The following STRN variants were observed in gnomAD, a reference collection of about 807,000 sequenced individuals.
STRN encodes the protein protein phosphatase 2 regulatory subunit B'''alpha.
A neutral mutation model predicts 96.3 loss-of-function variants in STRN; 53 were observed. The observed-to-expected ratio is 0.55, with a 90% CI of 0.44 to 0.69. STRN has a LOEUF of 0.69. STRN is among the 30% of genes least tolerant of loss of function. The pLI, the probability that STRN is intolerant of heterozygous loss-of-function variation, is 0.00. For synonymous variants in STRN, 428 were observed against 355.9 expected (o/e 1.20, Z -2.28); for missense variants, 987 against 963.9 (o/e 1.02, Z -0.32).
chr2:36,867,515 C>A, intron 12 of STRN: 1 of 206,332 alleles, frequency 4.8e-6, no homozygotes, highest in Non-Finnish European at 9.6e-6. Context: ...TATTTTAATC[C>A]AAATTATATG....
chr2:36,866,816 G>C (rs1668641022), intron 12 of STRN, among the ~76,000 whole-genome samples: 1 of 152,154 alleles, frequency 6.6e-6, no homozygotes, highest in Non-Finnish European at 1.5e-5. Context: ...TTGGTTTAAA[G>C]TCTGTTTTGT....
At position 36,877,909 on chromosome 2, in the gene STRN, T is replaced by G; in HGVS notation, c.1305A>C (p.Ala435=). ...TACTTACATCATAAGTTAGTGAGTCTGCTTCATTGGCCACCGTAAGGCCTG... is the reference window on the plus strand; with the variant it reads ...TACTTACATCATAAGTTAGTGAGTCGGCTTCATTGGCCACCGTAAGGCCTG... ...ELAGLTVANE[A]DSLTYDIANN... Residue 435 remains alanine (A), a synonymous_variant, in exon 10 of 18, where the codon GCA becomes GCC. Transcript: ENST00000263918. 6.2e-7 allele frequency: 1 copy of G among 1,614,198 alleles called. No individual in the cohort carries two copies. Among genetic ancestry groups the G allele is most frequent in the Middle Eastern group, 1.7e-4 (1 of 6,058 alleles).
intron 6 of STRN, among the ~76,000 whole-genome samples, chr2:36,898,177 G>A (rs1669593336): frequency 1.3e-5 from 2 of 152,046 alleles, no homozygotes; most frequent in East Asian, 1.9e-4. Context: ...CATGATTCAA[G>A]GCATTATTTA....
intron 1 of STRN, among the ~76,000 whole-genome samples, chr2:36,963,724 G>A (rs1558673069): frequency 6.6e-6 from 1 of 152,302 alleles, no homozygotes; most frequent in East Asian, 1.9e-4. Flanking sequence ...TTGGGAGGCT[G>A]AGGCAGGCAG....
In STRN at chr2:36,966,357, C is replaced by A. The variant is rs779099272; in HGVS notation, c.107G>T (p.Gly36Val). 6.1e-6 allele frequency: 9 copies of A among 1,472,614 alleles called. No individual in the cohort carries two copies. Among genetic ancestry groups the A allele is most frequent in the Non-Finnish European group, 6.3e-6 (7 of 1,114,032 alleles). 91.2% of individuals were successfully genotyped at this position (1,472,614 alleles called of 1,614,324 possible). A position where few individuals can be genotyped will look rare whatever the true frequency, so the allele number is the denominator to read the frequency against. The change falls in exon 1 of 18, where the codon GGG (glycine) becomes GTG (valine). Residue 36 changes from glycine to valine, a missense_variant. Transcript: ENST00000263918. ...TCGGGCCGCCCCCGCCGCAGCCGCC[C>A]CGTCGCCGGCCGCGGCAGCCTCCGC... ...PLAEAAAAGD[G>V]AAAAGAARAQ...
chr2:36,865,122 G>T (rs558340570), intron 12 of STRN, among the ~76,000 whole-genome samples: 8 of 152,310 alleles, frequency 5.3e-5, no homozygotes, highest in African/African-American at 1.7e-4. Context: ...GCTTTTTCTT[G>T]TTGGTAAGCT....
chr2:36,938,544 G>T (rs1346463182), intron 1 of STRN, among the ~76,000 whole-genome samples: 1 of 152,162 alleles, frequency 6.6e-6, no homozygotes, highest in African/African-American at 2.4e-5. Context: ...GTCACTTACT[G>T]GGTAAGTAAG....
rs546588227 is a variant in STRN at position 36,875,161 on chromosome 2, T to C, written c.1323+2730A>G. On this transcript the variant is annotated intron_variant, in intron 10 of 17. Coordinates refer to ENST00000263918, the MANE Select transcript of STRN (RefSeq NM_003162.4). ...ACTCTCTAGGGTACCCACTGAAGAG[T>C]AGCAAAAGAGTGTAGAAATTCCAAG... Among the ~76,000 whole-genome samples, 7 of 151,834 alleles carry C rather than the reference T, an allele frequency of 4.6e-5. No individual in the cohort carries two copies. In the South Asian group the frequency reaches 1.0e-3, roughly 23 times the overall value.
intron 2 of STRN, among the ~76,000 whole-genome samples, chr2:36,917,396 C>T (rs930611976): frequency 2.6e-5 from 4 of 151,542 alleles, no homozygotes; most frequent in African/African-American, 4.8e-5. Context: ...GGTGGTGTAC[C>T]TGTAATCCCA....
chr2:36,909,898 C>T (rs748283398), intron 3 of STRN, among the ~76,000 whole-genome samples: 7 of 152,062 alleles, frequency 4.6e-5, no homozygotes, highest in South Asian at 2.1e-4. Context: ...TCAGGCCGGG[C>T]GCAGTGGCTC....
chr2:36,914,334 A>C (rs1458820792), intron 3 of STRN, among the ~76,000 whole-genome samples: 1 of 152,224 alleles, frequency 6.6e-6, no homozygotes, highest in African/African-American at 2.4e-5. Flanking sequence ...CTAGGCTTCT[A>C]TTCTCCTAAA....
In STRN at chr2:36,849,144, G is replaced by C; in HGVS notation, c.*312C>G. 3.7e-6 allele frequency: 1 copy of C among 272,688 alleles called. No homozygotes were observed. The highest frequency in any genetic ancestry group is 7.2e-5 in the East Asian group (1 of 13,936). 16.9% of individuals were successfully genotyped at this position (272,688 alleles called of 1,614,324 possible). ...TAGCATGCCCTACTTACTCAACAGGGACAAGCTAAACTTGTATTCGCTCAG... is the reference window on the plus strand; with the variant it reads ...TAGCATGCCCTACTTACTCAACAGGCACAAGCTAAACTTGTATTCGCTCAG... On this transcript the variant is annotated 3_prime_UTR_variant, in exon 18 of 18. Coordinates refer to ENST00000263918, the MANE Select transcript of STRN (RefSeq NM_003162.4).
At chr2:36,946,677 A>G (rs1337388696) in intron 1 of STRN, among the ~76,000 whole-genome samples, 1 of 152,174 alleles carries the variant, frequency 6.6e-6, no homozygotes, top group Non-Finnish European at 1.5e-5. Context: ...TCTACTTCAT[A>G]TGTCTCTGTA....
intron 1 of STRN, among the ~76,000 whole-genome samples, chr2:36,939,676 C>G (rs986729650): frequency 2.6e-5 from 4 of 152,134 alleles, no homozygotes; most frequent in African/African-American, 9.7e-5. Context: ...AGCCACCATA[C>G]CCAGCCAGCA....
chr2:36,838,913 T>C lies in STRN; in HGVS notation c.*10543A>G, dbSNP rs899647652. Among the ~76,000 whole-genome samples, 9 of 152,172 alleles carry C rather than the reference T, an allele frequency of 5.9e-5. No individual in the cohort carries two copies. The highest frequency in any genetic ancestry group is 2.2e-4 in the African/African-American group (9 of 41,440). On this transcript the variant is annotated 3_prime_UTR_variant, in exon 18 of 18. Transcript: ENST00000263918. Reference sequence around the variant, plus strand: ...TTAAAGCAAACTGCCCACCAAAATATCTTCTCATTAACGTTAGACTGTATA... The same window carrying C: ...TTAAAGCAAACTGCCCACCAAAATACCTTCTCATTAACGTTAGACTGTATA...
Position 36,933,948 on chromosome 2 carries a change from A to G in STRN, c.235-8740T>C, listed in dbSNP as rs767205222. 1.4e-3 allele frequency among the ~76,000 whole-genome samples: 209 copies of G among 152,150 alleles called. 1 individual carries two copies. The highest frequency in any genetic ancestry group is 1.1e-3 in the Non-Finnish European group (74 of 67,982). ...AACACGGCGAAACCCTGTCTCTACT[A>G]AAAATACAAAAAAATTACCCGGGTG... On this transcript the variant is annotated intron_variant, in intron 1 of 17. Transcript: ENST00000263918.
intron 1 of STRN, among the ~76,000 whole-genome samples, chr2:36,944,991 T>C (rs1465420380): frequency 6.6e-6 from 1 of 152,228 alleles, no homozygotes; most frequent in Admixed American, 6.5e-5. Flanking sequence ...CAATGTGCAG[T>C]ACTTAGTCAA....
intron 14 of STRN, among the ~76,000 whole-genome samples, chr2:36,857,295 T>A (rs1668370318): frequency 6.6e-6 from 1 of 152,154 alleles, no homozygotes; most frequent in South Asian, 2.1e-4. Flanking sequence ...AATGTATCCT[T>A]AATATCTGTT....
intron 9 of STRN, among the ~76,000 whole-genome samples, chr2:36,880,953 G>A (rs1373857479): frequency 1.3e-5 from 2 of 152,034 alleles, no homozygotes; most frequent in Non-Finnish European, 2.9e-5. Flanking sequence ...ATGAGGCAGA[G>A]CAATAATAAG....
Sources: allele counts gnomAD v4.1 joint callset (sites outside exome capture counted in the v4.1 genomes callset), GRCh38; gene constraint gnomAD v4.1.1; transcripts MANE v1.5; gene names NCBI Gene and HGNC (gene_info 2026-07-23, HGNC 2026-07-21).